The following BMP10 variants were observed in gnomAD, a reference collection of about 807,000 sequenced individuals.
BMP10 encodes the protein bone morphogenetic protein 10.
BMP10 carries 9 observed loss-of-function variants against 29.9 expected under a neutral mutation model. The ratio of observed to expected loss-of-function variants is 0.30; its 90% CI spans 0.18 to 0.53. The LOEUF (loss-of-function observed/expected upper bound fraction) is 0.53, where lower values mean the gene tolerates loss of function less well. Among genes scored for constraint, BMP10 ranks in the 20% least tolerant of loss-of-function variants. The pLI is 0.96. For missense variants in BMP10, 474 were observed against 524.3 expected (o/e 0.90, Z 0.94); for synonymous variants, 202 against 200.2 (o/e 1.01, Z -0.07).
In BMP10 at chr2:68,863,021, C is replaced by G. The variant is rs962172491; in HGVS notation, c.*2610G>C. 2.0e-5 allele frequency among the ~76,000 whole-genome samples: 3 copies of G among 152,146 alleles called. No individual in the cohort carries two copies. Among genetic ancestry groups the G allele is most frequent in the Non-Finnish European group, 4.4e-5 (3 of 68,030 alleles). Reference sequence around the variant, plus strand: ...GCTCGAGACAAGATTTCTCCAGAAGCCCGGAGCCAGCAGCGCACACAGTGG... The same window carrying G: ...GCTCGAGACAAGATTTCTCCAGAAGGCCGGAGCCAGCAGCGCACACAGTGG... On this transcript the variant is annotated 3_prime_UTR_variant, in exon 2 of 2. Coordinates refer to ENST00000295379, the MANE Select transcript of BMP10 (RefSeq NM_014482.3).
rs552877678 is a variant in BMP10 at position 68,863,278 on chromosome 2, T to TC, written c.*2352dup. Among the ~76,000 whole-genome samples the TC allele has an allele frequency of 7.2e-5, 11 of 152,270 alleles. No homozygotes were observed. The highest frequency in any genetic ancestry group is 2.6e-4 in the African/African-American group (11 of 41,552). ...GAAATCCACAAATCAGGGCTTTTTCTCCCCCTGGATTGCTGGTTGTAAGGG... is the reference window on the plus strand; with the variant it reads ...GAAATCCACAAATCAGGGCTTTTTCTCCCCCCTGGATTGCTGGTTGTAAGGG... On this transcript the variant is annotated 3_prime_UTR_variant, in exon 2 of 2. Transcript: ENST00000295379.
chr2:68,868,093 C>A (rs953515136), intron 1 of BMP10, among the ~76,000 whole-genome samples: 1 of 152,224 alleles, frequency 6.6e-6, no homozygotes, highest in Non-Finnish European at 1.5e-5. Flanking sequence ...ACCTCCTGAT[C>A]AGCCATAGCT....
Position 68,871,047 on chromosome 2 carries a change from G to T in BMP10, c.312C>A (p.Ile104=). ...TDRTSMPSAN[I]IRSFKNEDLF... is the part of the protein sequence containing the mutation. ...TACCTTCATTCTTGAAACTCCTAAT[G>T]ATGTTGGCAGAGGGCATGGAGGTCC... Residue 104 remains isoleucine, a synonymous_variant, in exon 1 of 2, where the codon ATC becomes ATA. Transcript: ENST00000295379. 1.2e-6 allele frequency: 2 copies of T among 1,612,140 alleles called. No individual in the cohort carries two copies. The highest frequency in any genetic ancestry group is 1.7e-6 in the Non-Finnish European group (2 of 1,178,466).
At position 68,871,339 on chromosome 2, in the gene BMP10, G is replaced by A. The variant is rs750059122; in HGVS notation, c.20C>T (p.Thr7Ile). 6.2e-7 allele frequency: 1 copy of A among 1,613,976 alleles called. No homozygotes were observed. The change falls in exon 1 of 2, where the codon ACA becomes ATA. Residue 7 changes from threonine to isoleucine, a missense_variant. Thr to Ile is a moderately conservative substitution (Grantham distance 89, BLOSUM62 -1). Around this residue, in one of 2 missense-constraint regions of BMP10, gnomAD observed 408 missense variants for 415.3 expected, o/e 0.98. Coordinates refer to ENST00000295379, the MANE Select transcript of BMP10 (RefSeq NM_014482.3). ...TGCCAGGCAGAAAAGAGCGCACAGTGTCAGGACCAGAGAGCCCATGACTCC... is the reference window on the plus strand; with the variant it reads ...TGCCAGGCAGAAAAGAGCGCACAGTATCAGGACCAGAGAGCCCATGACTCC... Reference protein sequence around the residue: MGSLVLTLCALFCLAAY... With the variant: MGSLVLILCALFCLAAY...
intron 1 of BMP10, among the ~76,000 whole-genome samples, chr2:68,868,283 C>G (rs143607852): frequency 5.9e-5 from 9 of 152,232 alleles, no homozygotes; most frequent in African/African-American, 2.2e-4. Context: ...CTTGGAAAGC[C>G]CTTTCACCTC....
In BMP10 at chr2:68,862,707, T is replaced by A. The variant is rs1465831250; in HGVS notation, c.*2924A>T. On this transcript the variant is annotated 3_prime_UTR_variant, in exon 2 of 2. Coordinates refer to ENST00000295379, the MANE Select transcript of BMP10 (RefSeq NM_014482.3). Reference sequence around the variant, plus strand: ...TGACAATATTCTGGCTTCCTGTCAATGCAGGAGTTGAAAGTGACACCGGTG... The same window carrying A: ...TGACAATATTCTGGCTTCCTGTCAAAGCAGGAGTTGAAAGTGACACCGGTG... Among the ~76,000 whole-genome samples the A allele has an allele frequency of 6.6e-6, 1 of 152,068 alleles. No individual in the cohort carries two copies. The highest frequency in any genetic ancestry group is 6.6e-5 in the Admixed American group (1 of 15,262).
intron 1 of BMP10, among the ~76,000 whole-genome samples, chr2:68,869,162 C>T (rs772559725): frequency 6.6e-6 from 1 of 152,172 alleles, no homozygotes; most frequent in Non-Finnish European, 1.5e-5. Flanking sequence ...TGATTCTCTA[C>T]TCGTTTTGCA....
In BMP10 at chr2:68,861,696, T is replaced by A. The variant is rs1558683535; in HGVS notation, c.*3935A>T. On this transcript the variant is annotated 3_prime_UTR_variant, in exon 2 of 2. Transcript: ENST00000295379. ...ACTGCTAGGCTTCATAATCTGTTGA[T>A]GAATCAAGTAAGAAGAATACATAAA... is the stretch of plus-strand genomic sequence containing the variant. 6.6e-6 allele frequency among the ~76,000 whole-genome samples: 1 copy of A among 152,190 alleles called. No individual in the cohort carries two copies. Among genetic ancestry groups the A allele is most frequent in the African/African-American group, 2.4e-5 (1 of 41,448 alleles).
chr2:68,871,180 T>A lies in BMP10; in HGVS notation c.179A>T (p.Asp60Val), dbSNP rs1683059604. 1.2e-6 allele frequency: 2 copies of A among 1,614,032 alleles called. No individual in the cohort carries two copies. Among genetic ancestry groups the A allele is most frequent in the South Asian group, 1.1e-5 (1 of 91,088 alleles). Residue 60 changes from aspartate to valine, a missense_variant, in exon 1 of 2, where the codon GAT becomes GTT. Physicochemically the swap from Asp to Val is radical, Grantham distance 152 (BLOSUM62 -3). Coordinates refer to ENST00000295379, the MANE Select transcript of BMP10 (RefSeq NM_014482.3). ...GAGGTTTAGTGTCTTAAGAAACTCA[T>A]CCTTCATGCTCTGGAGCAGTGTGTT... ...DFNTLLQSMK[D>V]EFLKTLNLSD...
Position 68,864,307 on chromosome 2 carries a change from T to C in BMP10, c.*1324A>G, listed in dbSNP as rs1433859533. Among the ~76,000 whole-genome samples the C allele has an allele frequency of 6.6e-6, 1 of 152,220 alleles. No homozygotes were observed. Among genetic ancestry groups the C allele is most frequent in the Admixed American group, 6.5e-5 (1 of 15,272 alleles). On this transcript the variant is annotated 3_prime_UTR_variant, in exon 2 of 2. Coordinates refer to ENST00000295379, the MANE Select transcript of BMP10 (RefSeq NM_014482.3). The stretch of plus-strand genomic sequence containing the variant: ...CCATTCATTTGGACTCTGGTTTTCT[T>C]TTTCTTATACTTACTTATTCTGGTT...
chr2:68,870,907 G>A, intron 1 of BMP10, 118 bp downstream of exon 1: 2 of 890,264 alleles, frequency 2.2e-6, no homozygotes, highest in East Asian at 5.0e-5. Flanking sequence ...GTATCCATAT[G>A]TATTTAACAT....
chr2:68,870,318 T>G (rs1017308226), intron 1 of BMP10, among the ~76,000 whole-genome samples: 1 of 152,150 alleles, frequency 6.6e-6, no homozygotes, highest in African/African-American at 2.4e-5. Flanking sequence ...GTTACCAAAT[T>G]TAAAGACCTA....
At chr2:68,870,723 A>G (rs1683050205) in intron 1 of BMP10, among the ~76,000 whole-genome samples, 1 of 152,216 alleles carries the variant, frequency 6.6e-6, no homozygotes, top group Non-Finnish European at 1.5e-5. Context: ...GTAGACCAAC[A>G]TTAATTCTTT....
chr2:68,871,228 G>A lies in BMP10; in HGVS notation c.131C>T (p.Ser44Leu). The A allele has an allele frequency of 1.2e-6, 2 of 1,614,116 alleles. No individual in the cohort carries two copies. Among genetic ancestry groups the A allele is most frequent in the Non-Finnish European group, 1.7e-6 (2 of 1,180,014 alleles). Reference protein sequence around the residue: ...EDMSLFGDVFSEQDGVDFNTL... With the variant: ...EDMSLFGDVFLEQDGVDFNTL... ...GTTAAAGTCGACACCGTCTTGCTCTGAGAAAACATCACCAAAGAGGGACAT... is the reference window on the plus strand; with the variant it reads ...GTTAAAGTCGACACCGTCTTGCTCTAAGAAAACATCACCAAAGAGGGACAT... Residue 44 changes from serine (S) to leucine (L), a missense_variant, in exon 1 of 2, where the codon TCA becomes TTA. By Grantham distance (145) the Ser-to-Leu change is moderately radical (BLOSUM62 -2). Coordinates refer to ENST00000295379, the MANE Select transcript of BMP10 (RefSeq NM_014482.3).
In BMP10 at chr2:68,866,121, C is replaced by T; in HGVS notation, c.785G>A (p.Ser262Asn). The T allele has an allele frequency of 6.2e-7, 1 of 1,614,096 alleles. No individual in the cohort carries two copies. Among genetic ancestry groups the T allele is most frequent in the Non-Finnish European group, 8.5e-7 (1 of 1,179,992 alleles). The change falls in exon 2 of 2, where the codon AGT becomes AAT. Residue 262 changes from serine to asparagine, a missense_variant. Transcript: ENST00000295379. ...LLIVFSDDQS[S>N]DKERKEELNE... Reference sequence around the variant, plus strand: ...CAGTTCCTCCTTCCTCTCCTTGTCACTGCTTTGGTCATCAGAAAACACGAT... The same window carrying T: ...CAGTTCCTCCTTCCTCTCCTTGTCATTGCTTTGGTCATCAGAAAACACGAT...
chr2:68,869,319 G>C (rs1683027703), intron 1 of BMP10, among the ~76,000 whole-genome samples: 1 of 152,064 alleles, frequency 6.6e-6, no homozygotes, highest in African/African-American at 2.4e-5. Context: ...CTCTCCTAGG[G>C]AGCTGCACTA....
rs1682886998 is a variant in BMP10 at position 68,862,900 on chromosome 2, A to G, written c.*2731T>C. ...CAGAAAATCATAGAAATGCAGGTTT[A>G]CATCTGGATGGGCAGAAAGAAACAA... On this transcript the variant is annotated 3_prime_UTR_variant, in exon 2 of 2. Coordinates refer to ENST00000295379, the MANE Select transcript of BMP10 (RefSeq NM_014482.3). 6.6e-6 allele frequency among the ~76,000 whole-genome samples: 1 copy of G among 152,224 alleles called. No individual in the cohort carries two copies. The highest frequency in any genetic ancestry group is 2.1e-4 in the South Asian group (1 of 4,832).
At position 68,863,471 on chromosome 2, in the gene BMP10, A is replaced by C. The variant is rs17036118; in HGVS notation, c.*2160T>G. Among the ~76,000 whole-genome samples, 1 of 152,192 alleles carries C rather than the reference A, an allele frequency of 6.6e-6. No homozygotes were observed. The highest frequency in any genetic ancestry group is 1.5e-5 in the Non-Finnish European group (1 of 68,034). On this transcript the variant is annotated 3_prime_UTR_variant, in exon 2 of 2. Transcript: ENST00000295379. ...AGTATGTGAGTATACATTGTGTACC[A>C]TGGAGTATGAAGGATGCACCACGTT...
Position 68,861,307 on chromosome 2 carries a change from A to G in BMP10, c.*4324T>C, listed in dbSNP as rs554326886. Among the ~76,000 whole-genome samples, 4 of 152,340 alleles carry G rather than the reference A, an allele frequency of 2.6e-5. No homozygotes were observed. Among genetic ancestry groups the G allele is most frequent in the South Asian group, 2.1e-4 (1 of 4,830 alleles). On this transcript the variant is annotated 3_prime_UTR_variant, in exon 2 of 2. Transcript: ENST00000295379. ...GCGCTGGCACATTGGCCGCCCCACC[A>G]CTATCAAGCCAGGTGCTCACAAAAC...
Sources: allele counts gnomAD v4.1 joint callset (sites outside exome capture counted in the v4.1 genomes callset), GRCh38; gene constraint gnomAD v4.1.1; regional missense constraint gnomAD v4.1.1; transcripts MANE v1.5; gene names NCBI Gene and HGNC (gene_info 2026-07-23, HGNC 2026-07-21).